The following DOCK8 variants were observed in gnomAD, a reference collection of about 807,000 sequenced individuals.
The protein encoded by DOCK8 is dedicator of cytokinesis 8, also known as dedicator of cytokinesis protein 8.
A neutral mutation model predicts 245.6 loss-of-function variants in DOCK8; 141 were observed. That is an observed-to-expected ratio of 0.57 (90% confidence interval 0.50 to 0.66). The LOEUF is 0.66. Among genes scored for constraint, DOCK8 ranks in the 30% least tolerant of loss-of-function variants. DOCK8 has a pLI of 0.00. For missense variants in DOCK8, 2,965 were observed against 2,603.4 expected (o/e 1.14, Z -3.02); for synonymous variants, 1,168 against 970.2 (o/e 1.20, Z -3.79).
chr9:443,927 A>G (rs1251735813), intron 43 of DOCK8, among the ~76,000 whole-genome samples: 1 of 152,042 alleles, frequency 6.6e-6, no homozygotes, highest in East Asian at 1.9e-4. Flanking sequence ...CTGAACCCCT[A>G]CTCTTCAGCA....
chr9:219,472 A>G (rs992252848), intron 1 of DOCK8, among the ~76,000 whole-genome samples: 1 of 152,138 alleles, frequency 6.6e-6, no homozygotes, highest in East Asian at 1.9e-4. Context: ...TCTGTTTCAA[A>G]ATAAAATAAA....
chr9:421,105 C>G (rs771016259), intron 32 of DOCK8, 27 bp downstream of exon 32: 20 of 1,613,464 alleles, frequency 1.2e-5, no homozygotes, highest in Non-Finnish European at 1.6e-5. Flanking sequence ...CTTCCCTGCT[C>G]TCTGTCAAGC....
intron 36 of DOCK8, 70 bp downstream of exon 36, chr9:429,924 A>C (rs1169940623): frequency 1.8e-5 from 29 of 1,580,082 alleles, no homozygotes; most frequent in Non-Finnish European, 2.2e-5. Flanking sequence ...TCAGCTGCGA[A>C]AAAAAATAAG....
chr9:400,952 A>ATCACCTCCACCACCATCACCT (rs2055020487), intron 26 of DOCK8, among the ~76,000 whole-genome samples: 2 of 67,440 alleles, frequency 3.0e-5, no homozygotes, highest in Non-Finnish European at 7.2e-5. Flanking sequence ...CACCATCACC[A>ATCACCTCCACCACCATCACCT]CCACCACCAC....
chr9:213,363 T>A (rs1454528021), upstream of DOCK8: 2 of 152,138 alleles, frequency 1.3e-5, no homozygotes, highest in Non-Finnish European at 2.9e-5. Flanking sequence ...ACAAATTAGG[T>A]TGTATTGGAC....
intron 5 of DOCK8, among the ~76,000 whole-genome samples, chr9:309,618 T>C (rs1282607740): frequency 1.3e-5 from 2 of 152,216 alleles, no homozygotes; most frequent in Non-Finnish European, 2.9e-5. Flanking sequence ...TTAAGGTTGT[T>C]TTCTTAAAGC....
intron 16 of DOCK8, 31 bp from the exon 17 acceptor site, chr9:371,396 AG>A: frequency 3.7e-6 from 6 of 1,613,946 alleles, no homozygotes; most frequent in Non-Finnish European, 5.1e-6. Context: ...TCTTGCTAAA[AG>A]TTATTTGTGT....
In DOCK8 at chr9:433,887, C is replaced by G. The variant is rs1372949110; in HGVS notation, c.4798C>G (p.Leu1600Val). ...TPFPTQVEEL[L>V]CNLNSILYDT... ...ACACTTTTTGCAGGTGGAGGAACTTCTCTGTAATCTGAATAGCATCTTATA... is the reference window on the plus strand; with the variant it reads ...ACACTTTTTGCAGGTGGAGGAACTTGTCTGTAATCTGAATAGCATCTTATA... Residue 1600 changes from leucine (L) to valine (V), a missense_variant, in exon 38 of 48, where the codon CTC becomes GTC. Physicochemically the swap from Leu to Val is conservative, Grantham distance 32. Transcript: ENST00000432829. The G allele has an allele frequency of 1.9e-6, 3 of 1,613,872 alleles. No homozygotes were observed. The highest frequency in any genetic ancestry group is 1.3e-5 in the African/African-American group (1 of 74,912).
At chr9:221,441 A>T (rs1318358810) in intron 1 of DOCK8, among the ~76,000 whole-genome samples, 1 of 152,172 alleles carries the variant, frequency 6.6e-6, no homozygotes, top group Non-Finnish European at 1.5e-5. Flanking sequence ...ATTATTCCAT[A>T]CAAAATATAG....
Position 304,656 on chromosome 9 carries a change from A to G in DOCK8, c.480A>G (p.Lys160=). ...AAGATTTTCACAAGACGCTTCCGAAACAGACGTTTGAGTCGGAAACCTTGG... is the reference window on the plus strand; with the variant it reads ...AAGATTTTCACAAGACGCTTCCGAAGCAGACGTTTGAGTCGGAAACCTTGG... The part of the protein sequence containing the change: ...SRKDFHKTLP[K]QTFESETLEC... Residue 160 remains lysine (K), a synonymous_variant, in exon 5 of 48, where the codon AAA becomes AAG. Coordinates refer to ENST00000432829, the MANE Select transcript of DOCK8 (RefSeq NM_203447.4). 1.2e-6 allele frequency: 2 copies of G among 1,614,208 alleles called. No homozygotes were observed. The highest frequency in any genetic ancestry group is 1.7e-6 in the Non-Finnish European group (2 of 1,180,030).
chr9:409,721 T>TC (rs1564028717), intron 28 of DOCK8, among the ~76,000 whole-genome samples: 2 of 152,012 alleles, frequency 1.3e-5, no homozygotes, highest in Non-Finnish European at 2.9e-5. Context: ...CCTAATGCTG[T>TC]CCCTCCCCAC....
At chr9:256,274 T>C (rs533301639) in intron 1 of DOCK8, among the ~76,000 whole-genome samples, 27 of 152,292 alleles carry the variant, frequency 1.8e-4, no homozygotes, top group African/African-American at 6.0e-4. Flanking sequence ...GACTGAGCCT[T>C]ACTTCTGGAA....
chr9:300,448 A>C (rs1318833291), intron 4 of DOCK8, among the ~76,000 whole-genome samples: 1 of 152,152 alleles, frequency 6.6e-6, no homozygotes, highest in African/African-American at 2.4e-5. Context: ...CTAGAAAAAC[A>C]ATAGCAAACC....
rs549684456 is a variant in DOCK8, at chr9:436,097, T to C, written c.5079+1122T>C. Among the ~76,000 whole-genome samples, 201 of 152,360 alleles carry C rather than the reference T, an allele frequency of 1.3e-3. 1 individual carries two copies. Among genetic ancestry groups the C allele is most frequent in the African/African-American group, 4.7e-3 (194 of 41,590 alleles). ...AGCTTCCCCAGGCTTAGAGAATAAGTCACTGAAACTATGCTGGTGCAGCCA... is the reference window on the plus strand; with the variant it reads ...AGCTTCCCCAGGCTTAGAGAATAAGCCACTGAAACTATGCTGGTGCAGCCA... On this transcript the variant is annotated intron_variant, in intron 39 of 47. Transcript: ENST00000432829.
At chr9:353,348 A>G (rs1466806660) in intron 14 of DOCK8, among the ~76,000 whole-genome samples, 1 of 152,076 alleles carries the variant, frequency 6.6e-6, no homozygotes, top group East Asian at 1.9e-4. Flanking sequence ...TTCTTCCCCA[A>G]CCCAAACCAA....
At chr9:237,436 C>G (rs981274285) in intron 1 of DOCK8, among the ~76,000 whole-genome samples, 3 of 152,340 alleles carry the variant, frequency 2.0e-5, no homozygotes, top group Non-Finnish European at 4.4e-5. Flanking sequence ...AGGTGGATCA[C>G]TTCAGCTCAG....
intron 14 of DOCK8, among the ~76,000 whole-genome samples, chr9:355,210 T>C (rs12337168): frequency 0.085 from 11,880 of 139,950 alleles, 1,000 homozygotes; most frequent in African/African-American, 0.21. Flanking sequence ...TTTTTTTTTT[T>C]TTTTTTTTTT....
At chr9:451,126 A>T (rs1364548427) in intron 45 of DOCK8, among the ~76,000 whole-genome samples, 1 of 152,048 alleles carries the variant, frequency 6.6e-6, no homozygotes, top group Non-Finnish European at 1.5e-5. Flanking sequence ...CAGCCTGGCC[A>T]ACATGGTGAA....
At position 325,746 on chromosome 9, in the gene DOCK8, G is replaced by A. The variant is rs764760596; in HGVS notation, c.894+9G>A. On this transcript the variant is annotated intron_variant, in intron 8 of 47. Transcript: ENST00000432829. Reference sequence around the variant, plus strand: ...TTAAAGAAAGGAAAAAGGTAAGAAAGCAAAGAAAAATCCATCCCTAAGGCA... The same window carrying A: ...TTAAAGAAAGGAAAAAGGTAAGAAAACAAAGAAAAATCCATCCCTAAGGCA... The A allele has an allele frequency of 1.2e-6, 2 of 1,612,494 alleles. No homozygotes were observed.
Sources: allele counts gnomAD v4.1 joint callset (sites outside exome capture counted in the v4.1 genomes callset), GRCh38; gene constraint gnomAD v4.1.1; transcripts MANE v1.5; gene names NCBI Gene and HGNC (gene_info 2026-07-23, HGNC 2026-07-21).